The following BAZ2B variants were observed in gnomAD, a reference collection of about 807,000 sequenced individuals.
BAZ2B encodes the protein bromodomain adjacent to zinc finger domain 2B.
In BAZ2B, 91 loss-of-function variants were observed where a neutral mutation model predicts 246.0. The observed-to-expected ratio is 0.37, with a 90% CI of 0.31 to 0.44. The LOEUF (loss-of-function observed/expected upper bound fraction) is 0.44. Among genes scored for constraint, BAZ2B ranks in the 20% least tolerant of loss-of-function variants. BAZ2B has a pLI of 1.00. For synonymous variants in BAZ2B, 855 were observed against 860.0 expected (o/e 0.99, Z 0.10); for missense variants, 2,332 against 2,533.7 (o/e 0.92, Z 1.71).
the BAZ2B span, chr2:159,689,470 CA>C: frequency 4.4e-6 from 1 of 228,766 alleles, no homozygotes; most frequent in Admixed American, 6.3e-5. Context: ...CTCCCAGGTT[CA>C]AGTCATCCTC....
At chr2:159,399,476 G>T (rs1044114538) in intron 17 of BAZ2B, among the ~76,000 whole-genome samples, 2 of 146,584 alleles carry the variant, frequency 1.4e-5, no homozygotes, top group African/African-American at 2.5e-5. Flanking sequence ...AAGTTCAAGT[G>T]TTTTTTTTTT....
the BAZ2B span, among the ~76,000 whole-genome samples, chr2:159,670,307 T>C: frequency 6.6e-6 from 1 of 152,192 alleles, no homozygotes; most frequent in Non-Finnish European, 1.5e-5. Flanking sequence ...TTAAATACTC[T>C]TTAGTACTGC....
chr2:159,526,463 T>A (rs2084747581), intron 2 of BAZ2B, among the ~76,000 whole-genome samples: 1 of 151,974 alleles, frequency 6.6e-6, no homozygotes, highest in Admixed American at 6.6e-5. Flanking sequence ...TATTGGAAAA[T>A]GAAAAAATGA....
At chr2:159,677,811 G>A in the BAZ2B span, among the ~76,000 whole-genome samples, 3 of 152,184 alleles carry the variant, frequency 2.0e-5, no homozygotes, top group African/African-American at 7.2e-5. Flanking sequence ...TTTGTTCTTT[G>A]TTTTCTCCCC....
rs570583760 is a variant in BAZ2B, at chr2:159,371,379, A to C, written c.4213+1666T>G. ...GGCTGGTCTCAAGCTCCTGGCCTCA[A>C]GTGATCTGTCTGCCTTGGCCTCCCA... On this transcript the variant is annotated intron_variant, in intron 27 of 36. Coordinates refer to ENST00000392783, the MANE Select transcript of BAZ2B (RefSeq NM_013450.4). Among the ~76,000 whole-genome samples the C allele has an allele frequency of 3.3e-5, 5 of 151,010 alleles. No homozygotes were observed. The South Asian group carries it at 6.3e-4, about 19-fold the overall frequency.
chr2:159,501,404 G>A (rs1292024039), intron 2 of BAZ2B, among the ~76,000 whole-genome samples: 1 of 147,710 alleles, frequency 6.8e-6, no homozygotes, highest in African/African-American at 2.5e-5. Flanking sequence ...AAATTCATAT[G>A]CTGTACACAT....
At chr2:159,657,057 C>T in the BAZ2B span, among the ~76,000 whole-genome samples, 1 of 152,070 alleles carries the variant, frequency 6.6e-6, no homozygotes, top group Non-Finnish European at 1.5e-5. Context: ...TAAAAATTCC[C>T]TGCAAACTCT....
At chr2:159,374,120 G>A (rs911260199) in intron 26 of BAZ2B, among the ~76,000 whole-genome samples, 2 of 147,112 alleles carry the variant, frequency 1.4e-5, no homozygotes, top group Non-Finnish European at 3.0e-5. Context: ...ATATTGCCCA[G>A]GCTTTTCTCA....
At chr2:159,557,352 T>C (rs1472846476) in intron 1 of BAZ2B, among the ~76,000 whole-genome samples, 3 of 152,056 alleles carry the variant, frequency 2.0e-5, no homozygotes, top group African/African-American at 7.2e-5. Flanking sequence ...TACTCAAAAT[T>C]GTACAATGGC....
intron 2 of BAZ2B, among the ~76,000 whole-genome samples, chr2:159,489,757 T>C (rs926287558): frequency 6.6e-6 from 1 of 151,812 alleles, no homozygotes; most frequent in African/African-American, 2.4e-5. Flanking sequence ...AAAAAAAAAT[T>C]AGCCAGCCAG....
At chr2:159,323,646 T>C (rs1320405895) in intron 36 of BAZ2B, among the ~76,000 whole-genome samples, 1 of 151,692 alleles carries the variant, frequency 6.6e-6, no homozygotes, top group Non-Finnish European at 1.5e-5. Flanking sequence ...ATACTAAAAA[T>C]ACAAAAAATT....
intron 2 of BAZ2B, among the ~76,000 whole-genome samples, chr2:159,555,239 G>C (rs1484126006): frequency 1.3e-5 from 2 of 151,680 alleles, no homozygotes; most frequent in African/African-American, 4.8e-5. Flanking sequence ...TTACAGGTGT[G>C]TGCCACCATG....
chr2:159,648,843 A>G, the BAZ2B span, among the ~76,000 whole-genome samples: 4 of 152,292 alleles, frequency 2.6e-5, no homozygotes, highest in South Asian at 8.3e-4. Context: ...AAGGAGTGGA[A>G]TAGCTGGATC....
At chr2:159,525,575 T>C (rs2084646292) in intron 2 of BAZ2B, among the ~76,000 whole-genome samples, 1 of 138,244 alleles carries the variant, frequency 7.2e-6, no homozygotes, top group South Asian at 2.3e-4. Flanking sequence ...GACCTGGGTA[T>C]CTCCCCTCCC....
Position 159,349,953 on chromosome 2 carries a change from A to C in BAZ2B, c.4618T>G (p.Tyr1540Asp). Reference sequence around the variant, plus strand: ...AACTGGTCATTGGGGAGAGGACTGTAGAACTTCCCTGGACCACTTGAACCA... The same window carrying C: ...AACTGGTCATTGGGGAGAGGACTGTCGAACTTCCCTGGACCACTTGAACCA... ...NTGSSGPGKF[Y>D]SPLPNDQLLK... Residue 1540 changes from tyrosine (Y) to aspartate (D), a missense_variant, in exon 28 of 37, where the codon TAC becomes GAC. This residue lies in a region of BAZ2B where 676 missense variants were observed against 668.6 expected (regional missense o/e 1.01). Transcript: ENST00000392783. 6.2e-7 allele frequency: 1 copy of C among 1,614,208 alleles called. No individual in the cohort carries two copies. The highest frequency in any genetic ancestry group is 1.3e-5 in the African/African-American group (1 of 75,066).
chr2:159,442,305 T>TTCC (rs1282495690), intron 6 of BAZ2B, among the ~76,000 whole-genome samples: 1 of 152,088 alleles, frequency 6.6e-6, no homozygotes, highest in East Asian at 1.9e-4. Flanking sequence ...GTTGAGTGTG[T>TTCC]TCCAAAATGA....
intron 33 of BAZ2B, among the ~76,000 whole-genome samples, chr2:159,334,454 T>C (rs2065280791): frequency 6.6e-6 from 1 of 152,186 alleles, no homozygotes; most frequent in Non-Finnish European, 1.5e-5. Flanking sequence ...TTGGTCTTTG[T>C]CCAAAAGGGT....
At chr2:159,590,207 A>G (rs1689014365) in intron 1 of BAZ2B, among the ~76,000 whole-genome samples, 1 of 135,970 alleles carries the variant, frequency 7.4e-6, no homozygotes, top group African/African-American at 2.9e-5. Flanking sequence ...AAAAAAAAAA[A>G]AAAAAAAAAA....
chr2:159,589,083 A>C (rs1482670154), intron 1 of BAZ2B, among the ~76,000 whole-genome samples: 2 of 152,214 alleles, frequency 1.3e-5, no homozygotes, highest in Admixed American at 1.3e-4. Flanking sequence ...AGAAATCATA[A>C]AGAATCTAAC....
Sources: gnomAD v4.1 joint callset for allele counts (sites outside exome capture counted in the v4.1 genomes callset) on GRCh38, gnomAD v4.1.1 for gene constraint, gnomAD v4.1.1 regional missense constraint, MANE v1.5 for transcripts, NCBI Gene and HGNC (gene_info 2026-07-23, HGNC 2026-07-21) for gene names.